Variants in UBN2 observed in about 807,000 individuals in gnomAD.
UBN2 encodes the protein ubinuclein 2, also known as ubinuclein-2.
A neutral mutation model predicts 120.2 loss-of-function variants in UBN2; 35 were observed. The ratio of observed to expected loss-of-function variants is 0.29; its 90% CI spans 0.22 to 0.39. The LOEUF (loss-of-function observed/expected upper bound fraction) is 0.39. Ranked by LOEUF, UBN2 falls within the 10% of genes least tolerant of loss-of-function variation. The pLI is 1.00. For synonymous variants in UBN2, 661 were observed against 648.7 expected (o/e 1.02, Z -0.29); for missense variants, 1,693 against 1,663.2 (o/e 1.02, Z -0.31).
chr7:139,296,753 TG>T (rs1399258326), intron 17 of UBN2, among the ~76,000 whole-genome samples: 1 of 152,160 alleles, frequency 6.6e-6, no homozygotes, highest in Non-Finnish European at 1.5e-5. Flanking sequence ...TGAGCTGGTG[TG>T]GTGGCACACA....
intron 3 of UBN2, among the ~76,000 whole-genome samples, chr7:139,257,936 C>T (rs1796810881): frequency 6.6e-6 from 1 of 151,524 alleles, no homozygotes; most frequent in Non-Finnish European, 1.5e-5. Flanking sequence ...CTACGCCCAG[C>T]TAATTTTTGG....
At position 139,273,300 on chromosome 7, in the gene UBN2, G is replaced by T. The variant is rs959117210; in HGVS notation, c.1719G>T (p.Leu573Phe). The change falls in exon 10 of 18, where the codon TTG becomes TTT. Residue 573 changes from leucine (L) to phenylalanine (F), a missense_variant. Leu to Phe is a conservative substitution (Grantham distance 22, BLOSUM62 0). Coordinates refer to ENST00000473989, the MANE Select transcript of UBN2 (RefSeq NM_173569.4). ...GTAAAGTGTTTTTCATTTTTAGATT[G>T]CAGACAGATGAAGAACGAGAAAAAA... ...QARSQAKCAK[L>F]QTDEEREKNG... is the part of the protein sequence containing the mutation. The T allele has an allele frequency of 8.1e-6, 13 of 1,598,706 alleles. No individual in the cohort carries two copies. The highest frequency in any genetic ancestry group is 1.1e-5 in the Non-Finnish European group (13 of 1,172,738).
chr7:139,244,034 G>A (rs114569303), intron 2 of UBN2, among the ~76,000 whole-genome samples: 126 of 152,180 alleles, frequency 8.3e-4, no homozygotes, highest in African/African-American at 2.8e-3. Flanking sequence ...AATAAAACTC[G>A]GAAGATACAA....
At chr7:139,319,804 T>C in the UBN2 span, among the ~76,000 whole-genome samples, 4 of 152,170 alleles carry the variant, frequency 2.6e-5, no homozygotes, top group African/African-American at 7.2e-5. Flanking sequence ...CAGGCGGGTG[T>C]GGTGGTCCAT....
At chr7:139,286,156 G>A (rs938406038) in intron 15 of UBN2, among the ~76,000 whole-genome samples, 1 of 152,162 alleles carries the variant, frequency 6.6e-6, no homozygotes, top group African/African-American at 2.4e-5. Context: ...TTGAACTCCT[G>A]ACCCCAGTTG....
intron 2 of UBN2, among the ~76,000 whole-genome samples, chr7:139,242,095 A>G (rs1796335568): frequency 6.6e-6 from 1 of 152,220 alleles, no homozygotes; most frequent in Non-Finnish European, 1.5e-5. Context: ...TGGAATAACT[A>G]ATTTCTGATG....
In UBN2 at chr7:139,306,318, G is replaced by A. The variant is rs1051767111; in HGVS notation, c.*8482G>A. On this transcript the variant is annotated 3_prime_UTR_variant, in exon 18 of 18. Transcript: ENST00000473989. ...CCTTTTTTGCTTATCCCTGCTGTTT[G>A]TAGGGTTAGTGTGCCCTCTGTCAGA... 1 of 152,190 alleles carries A rather than the reference G, an allele frequency of 6.6e-6. No individual in the cohort carries two copies. Among genetic ancestry groups the A allele is most frequent in the Non-Finnish European group, 1.5e-5 (1 of 68,020 alleles). 9.4% of individuals were successfully genotyped at this position (152,190 alleles called of 1,614,324 possible). A position where few individuals can be genotyped will look rare whatever the true frequency, so the allele number is the denominator to read the frequency against.
Position 139,231,337 on chromosome 7 carries a change from C to A in UBN2, c.-148C>A. 1 of 601,440 alleles carries A rather than the reference C, an allele frequency of 1.7e-6. No homozygotes were observed. The allele number at this position is 601,440 out of a possible 1,614,324, so 37.3% of individuals were successfully genotyped here. The stretch of plus-strand genomic sequence containing the variant: ...GTAGTAGCGGGGAAGGGGACACGGT[C>A]CGCACTCACCGTGGCGCCGGCGGAG... On this transcript the variant is annotated 5_prime_UTR_variant, in exon 1 of 18. Transcript: ENST00000473989.
downstream of UBN2, among the ~76,000 whole-genome samples, chr7:139,312,217 T>C (rs1220669870): frequency 1.3e-5 from 2 of 152,346 alleles, no homozygotes; most frequent in East Asian, 3.9e-4. Context: ...TTTTTTGATA[T>C]GTGCCCCTTG....
rs181533824 is a variant in UBN2, at chr7:139,251,966, C to A, written c.572C>A (p.Pro191His). ...KKFEMKYGGK[P>H]RKHRKDRLQD... is the part of the protein sequence containing the mutation. ...ATCTGTTCTTTGCAGGGTGGGAAAC[C>A]CCGTAAACACCGGAAGGATCGGCTA... is the stretch of plus-strand genomic sequence containing the variant. The change falls in exon 3 of 18, where the codon CCC (proline) becomes CAC (histidine). Residue 191 changes from proline to histidine, a missense_variant. Around this residue, in one of 5 missense-constraint regions of UBN2, gnomAD observed 663 missense variants for 591.2 expected, o/e 1.12. Transcript: ENST00000473989. 12 of 1,613,822 alleles carry A rather than the reference C, an allele frequency of 7.4e-6. No homozygotes were observed. In the Admixed American group the frequency reaches 1.8e-4, roughly 25 times the overall value.
Position 139,244,376 on chromosome 7 carries a change from T to A in UBN2, c.561+7279T>A, listed in dbSNP as rs760222698. Among the ~76,000 whole-genome samples, 4 of 152,084 alleles carry A rather than the reference T, an allele frequency of 2.6e-5. No homozygotes were observed. The East Asian group carries it at 7.7e-4, about 29-fold the overall frequency. On this transcript the variant is annotated intron_variant, in intron 2 of 17. Transcript: ENST00000473989. Reference sequence around the variant, plus strand: ...GTACTTTCTTACACTATAAAAAAATTTTTTTAAGAGCCTAGTGTGGTGGCT... The same window carrying A: ...GTACTTTCTTACACTATAAAAAAATATTTTTAAGAGCCTAGTGTGGTGGCT...
At chr7:139,277,482 G>T (rs1202321566) in intron 12 of UBN2, 1 of 152,170 alleles carries the variant, frequency 6.6e-6, no homozygotes, top group African/African-American at 2.4e-5. Context: ...AAAATGTTAA[G>T]AAAATCATAA....
chr7:139,270,129 G>A (rs1415925676), intron 8 of UBN2, among the ~76,000 whole-genome samples: 1 of 151,886 alleles, frequency 6.6e-6, no homozygotes, highest in Non-Finnish European at 1.5e-5. Context: ...ACATATATTT[G>A]TATCCCTAAA....
At chr7:139,267,045 G>A (rs974627983) in intron 7 of UBN2, among the ~76,000 whole-genome samples, 36 of 152,194 alleles carry the variant, frequency 2.4e-4, no homozygotes, top group African/African-American at 8.4e-4. Flanking sequence ...TTCTAAGGTT[G>A]TGGTCAAATA....
chr7:139,244,528 T>C (rs1796410642), intron 2 of UBN2, among the ~76,000 whole-genome samples: 1 of 152,088 alleles, frequency 6.6e-6, no homozygotes, highest in African/African-American at 2.4e-5. Flanking sequence ...TTAGATCACC[T>C]GAGCAATACA....
At chr7:139,245,157 C>CTT (rs1361490232) in intron 2 of UBN2, among the ~76,000 whole-genome samples, 1 of 126,430 alleles carries the variant, frequency 7.9e-6, no homozygotes, top group Non-Finnish European at 1.6e-5. Flanking sequence ...CCAGGCTGGT[C>CTT]TTGAACTCCT....
chr7:139,317,472 C>T, the UBN2 span, among the ~76,000 whole-genome samples: 118 of 151,658 alleles, frequency 7.8e-4, no homozygotes, highest in African/African-American at 2.7e-3. Context: ...TTTTTTAATA[C>T]GTTCTCTTAC....
chr7:139,237,698 G>A (rs1362539913), intron 2 of UBN2, among the ~76,000 whole-genome samples: 2 of 152,152 alleles, frequency 1.3e-5, no homozygotes, highest in African/African-American at 4.8e-5. Flanking sequence ...AGATTAAGTA[G>A]CTGATACAGT....
intron 15 of UBN2, 44 bp from the exon 16 acceptor site, chr7:139,293,188 G>A (rs752894489): frequency 2.3e-5 from 34 of 1,482,494 alleles, no homozygotes; most frequent in Non-Finnish European, 3.1e-5. Flanking sequence ...ATCAATTTGG[G>A]TTGCTTTATT....
Sources: allele counts gnomAD v4.1 joint callset (sites outside exome capture counted in the v4.1 genomes callset), GRCh38; gene constraint gnomAD v4.1.1; regional missense constraint gnomAD v4.1.1; transcripts MANE v1.5; gene names NCBI Gene and HGNC (gene_info 2026-07-23, HGNC 2026-07-21).